The following DOCK1 variants were observed in gnomAD, a reference collection of about 807,000 sequenced individuals.
DOCK1 encodes dedicator of cytokinesis 1.
In DOCK1, 138 loss-of-function variants were observed where a neutral mutation model predicts 262.7. That is an observed-to-expected ratio of 0.53 (90% CI 0.46 to 0.61). DOCK1 has a LOEUF of 0.61. Ranked by LOEUF, DOCK1 falls within the 20% of genes least tolerant of loss-of-function variation. The pLI, the probability that DOCK1 is intolerant of heterozygous loss-of-function variation, is 0.00. For missense variants in DOCK1, 1,908 were observed against 2,370.7 expected (o/e 0.80, Z 4.05); for synonymous variants, 866 against 867.4 (o/e 1.00, Z 0.03).
At chr10:127,209,531 G>T (rs911866078) in intron 27 of DOCK1, among the ~76,000 whole-genome samples, 25 of 152,188 alleles carry the variant, frequency 1.6e-4, no homozygotes, top group African/African-American at 6.0e-4. Context: ...CTTACTGTCA[G>T]AGGCAACAGT....
intron 27 of DOCK1, among the ~76,000 whole-genome samples, chr10:127,210,890 C>T (rs972645600): frequency 4.0e-4 from 61 of 152,306 alleles, no homozygotes; most frequent in African/African-American, 1.3e-3. Context: ...GAATGTGACA[C>T]GTGGCGTAAT....
At chr10:127,217,478 G>A (rs1259236865) in intron 27 of DOCK1, among the ~76,000 whole-genome samples, 1 of 152,152 alleles carries the variant, frequency 6.6e-6, no homozygotes, top group Non-Finnish European at 1.5e-5. Context: ...GAGCTCCTAA[G>A]ATTTTTTCAT....
intron 23 of DOCK1, among the ~76,000 whole-genome samples, chr10:127,072,256 A>T (rs1463673418): frequency 6.6e-6 from 1 of 152,106 alleles, no homozygotes; most frequent in Non-Finnish European, 1.5e-5. Context: ...AAATTCCTTC[A>T]ATCATATGTT....
chr10:127,327,596 C>T (rs2062798482), intron 29 of DOCK1, among the ~76,000 whole-genome samples: 1 of 152,176 alleles, frequency 6.6e-6, no homozygotes, highest in African/African-American at 2.4e-5. Flanking sequence ...AAAAGTTTCA[C>T]CACTAAACTT....
intron 16 of DOCK1, among the ~76,000 whole-genome samples, chr10:127,029,246 C>T (rs951116894): frequency 3.3e-5 from 5 of 152,192 alleles, no homozygotes; most frequent in African/African-American, 1.2e-4. Context: ...GGATGTCGGC[C>T]GCTGACCATG....
chr10:127,271,643 C>G (rs749557791), intron 29 of DOCK1, among the ~76,000 whole-genome samples: 1 of 152,144 alleles, frequency 6.6e-6, no homozygotes, highest in Non-Finnish European at 1.5e-5. Context: ...GGGGGGATAT[C>G]TCTTCTGAAC....
intron 25 of DOCK1, among the ~76,000 whole-genome samples, chr10:127,114,751 T>TTC (rs1273280141): frequency 3.3e-5 from 4 of 119,844 alleles, no homozygotes; most frequent in African/African-American, 1.2e-4. Flanking sequence ...TGATCCTTTT[T>TTC]TTTCTTTCTT....
At chr10:127,298,288 G>A (rs1237585139) in intron 29 of DOCK1, among the ~76,000 whole-genome samples, 3 of 152,064 alleles carry the variant, frequency 2.0e-5, no homozygotes, top group Non-Finnish European at 4.4e-5. Flanking sequence ...CCCTTTTTTG[G>A]GGGTTAGCTC....
intron 25 of DOCK1, among the ~76,000 whole-genome samples, chr10:127,115,414 A>G (rs1439835420): frequency 6.6e-6 from 1 of 152,210 alleles, no homozygotes; most frequent in Non-Finnish European, 1.5e-5. Context: ...TGCTTCACCA[A>G]AAGATGACTC....
At chr10:127,093,040 G>T (rs895878556) in intron 23 of DOCK1, among the ~76,000 whole-genome samples, 6 of 152,020 alleles carry the variant, frequency 3.9e-5, no homozygotes, top group Admixed American at 2.0e-4. Flanking sequence ...CTCTCTGAAG[G>T]CTCTAGAAGG....
chr10:127,249,519 T>C (rs1022976274), intron 28 of DOCK1, among the ~76,000 whole-genome samples: 6 of 152,092 alleles, frequency 3.9e-5, no homozygotes, highest in Non-Finnish European at 8.8e-5. Context: ...ATTTCATCAT[T>C]GTGCAAGCCT....
At chr10:126,980,587 C>T (rs1344758760) in intron 3 of DOCK1, among the ~76,000 whole-genome samples, 1 of 152,180 alleles carries the variant, frequency 6.6e-6, no homozygotes, top group Non-Finnish European at 1.5e-5. Flanking sequence ...AATTTGGCCA[C>T]TTTCCTTGTT....
intron 33 of DOCK1, among the ~76,000 whole-genome samples, 175 bp downstream of exon 33, chr10:127,362,387 T>A (rs756065723): frequency 6.6e-6 from 1 of 152,192 alleles, no homozygotes; most frequent in Non-Finnish European, 1.5e-5. Flanking sequence ...AAGCTTATCA[T>A]CCCTTGCACT....
At chr10:127,003,561 C>T (rs1463333317) in intron 10 of DOCK1, among the ~76,000 whole-genome samples, 1 of 152,198 alleles carries the variant, frequency 6.6e-6, no homozygotes, top group African/African-American at 2.4e-5. Flanking sequence ...ATGTCCTGTT[C>T]ATCCCTTGGT....
chr10:127,286,154 C>T (rs1373565826), intron 29 of DOCK1, among the ~76,000 whole-genome samples: 2 of 152,084 alleles, frequency 1.3e-5, no homozygotes, highest in Non-Finnish European at 2.9e-5. Context: ...GTAAATGATG[C>T]ATATCTTACT....
chr10:127,375,480 G>A (rs1389139585), intron 35 of DOCK1, among the ~76,000 whole-genome samples: 10 of 152,228 alleles, frequency 6.6e-5, no homozygotes, highest in Non-Finnish European at 1.3e-4. Context: ...CCCCTTGTGT[G>A]GACTTGTGGG....
At chr10:127,329,573 C>G (rs2062887831) in intron 29 of DOCK1, among the ~76,000 whole-genome samples, 1 of 152,034 alleles carries the variant, frequency 6.6e-6, no homozygotes, top group Admixed American at 6.5e-5. Context: ...CGACCCAAGA[C>G]CCTTCTTTAT....
intron 27 of DOCK1, among the ~76,000 whole-genome samples, chr10:127,152,381 C>T (rs927786648): frequency 2.0e-5 from 3 of 152,212 alleles, no homozygotes; most frequent in Non-Finnish European, 4.4e-5. Flanking sequence ...GAAGAAAAGA[C>T]CTGCATGGAT....
At chr10:127,055,225 G>T (rs527703521) in intron 22 of DOCK1, among the ~76,000 whole-genome samples, 1 of 151,952 alleles carries the variant, frequency 6.6e-6, no homozygotes, top group African/African-American at 2.4e-5. Context: ...ATGCACCTGC[G>T]TGAGGACTCA....
Sources: allele counts gnomAD v4.1 joint callset (sites outside exome capture counted in the v4.1 genomes callset), GRCh38; gene constraint gnomAD v4.1.1; transcripts MANE v1.5; gene names NCBI Gene and HGNC (gene_info 2026-07-23, HGNC 2026-07-21).